Variants in DLG5 observed in about 807,000 individuals in gnomAD.
DLG5 encodes the protein disks large homolog 5.
In DLG5, 48 loss-of-function variants were observed where a neutral mutation model predicts 189.8. That is an observed-to-expected ratio of 0.25 (90% CI 0.20 to 0.32). The LOEUF (loss-of-function observed/expected upper bound fraction) is 0.32, where lower values mean the gene tolerates loss of function less well. Among genes scored for constraint, DLG5 ranks in the 10% least tolerant of loss-of-function variants. The pLI is 1.00. For synonymous variants in DLG5, 1,016 were observed against 1,054.1 expected (o/e 0.96, Z 0.70); for missense variants, 2,160 against 2,544.7 (o/e 0.85, Z 3.25).
chr10:77,885,193 T>C (rs1490951361), intron 1 of DLG5, among the ~76,000 whole-genome samples: 1 of 152,136 alleles, frequency 6.6e-6, no homozygotes, highest in Non-Finnish European at 1.5e-5. Flanking sequence ...AGTGCTCACA[T>C]GGGCCCTCAG....
intron 20 of DLG5, among the ~76,000 whole-genome samples, chr10:77,813,569 C>T (rs890583705): frequency 9.2e-5 from 14 of 152,206 alleles, no homozygotes; most frequent in South Asian, 2.1e-4. Context: ...TCCAATTCAA[C>T]ACGGATTACA....
chr10:77,858,573 G>A (rs1003228671), intron 2 of DLG5, among the ~76,000 whole-genome samples: 1 of 150,390 alleles, frequency 6.6e-6, no homozygotes, highest in African/African-American at 2.4e-5. Context: ...AGGACGTCAA[G>A]GCTGCAGTGA....
intron 1 of DLG5, among the ~76,000 whole-genome samples, chr10:77,919,584 CTTTTTTTTTTTTTTTT>C (rs71030919): frequency 3.7e-4 from 25 of 67,732 alleles, no homozygotes; most frequent in Middle Eastern, 0.012. Flanking sequence ...CAGTTCAGGG[CTTTTTTTTTTTTTTTT>C]TTTTTTTTTT....
Position 77,872,726 on chromosome 10 carries a change from G to A in DLG5, c.305-3529C>T, listed in dbSNP as rs142688531. On this transcript the variant is annotated intron_variant, in intron 1 of 31. Coordinates refer to ENST00000372391, the MANE Select transcript of DLG5 (RefSeq NM_004747.4). ...AAGCCACTGTCCCCCAAAGTCACACGGTGTCCTTTCAAGGCCGGTTGCTTC... is the reference window on the plus strand; with the variant it reads ...AAGCCACTGTCCCCCAAAGTCACACAGTGTCCTTTCAAGGCCGGTTGCTTC... 3.0e-3 allele frequency among the ~76,000 whole-genome samples: 458 copies of A among 152,266 alleles called. 3 individuals are homozygous for A. The highest frequency in any genetic ancestry group is 0.01 in the African/African-American group (432 of 41,552).
intron 21 of DLG5, 47 bp downstream of exon 21, chr10:77,812,168 A>T (rs768463602): frequency 8.1e-6 from 13 of 1,599,572 alleles, no homozygotes; most frequent in Non-Finnish European, 9.4e-6. Context: ...AGGGGGAAGA[A>T]GTGCAGGTTT....
chr10:77,825,407 C>CACACACACACAT (rs1842581649), intron 13 of DLG5, among the ~76,000 whole-genome samples: 1 of 150,768 alleles, frequency 6.6e-6, no homozygotes, highest in African/African-American at 2.5e-5. Context: ...CACACACACA[C>CACACACACACAT]ACACACACAG....
rs552401907 is a variant in DLG5, at chr10:77,817,803, T to C, written c.3758A>G (p.Asn1253Ser). Residue 1253 changes from asparagine to serine, a missense_variant, in exon 18 of 32, where the codon AAC becomes AGC. Physicochemically the swap from Asn to Ser is conservative, Grantham distance 46 (BLOSUM62 1). Transcript: ENST00000372391. ...YSEMRATHGS[N>S]SLPSSARLGS... ...CAGGCGGGCGCTGGAGGGCAGTGAG[T>C]TGGACCCATGGGTGGCTCTCATCTC... 9 of 1,555,092 alleles carry C rather than the reference T, an allele frequency of 5.8e-6. No homozygotes were observed. In the South Asian group the frequency reaches 1.1e-4, roughly 18 times the overall value.
Position 77,812,051 on chromosome 10 carries a change from C to T in DLG5, c.4195G>A (p.Gly1399Ser), listed in dbSNP as rs775328661. The change falls in exon 22 of 32, where the codon GGC becomes AGC. Residue 1399 changes from glycine (G) to serine (S), a missense_variant. This residue lies in a region of DLG5 where 61 missense variants were observed against 101.0 expected (regional missense o/e 0.60). Transcript: ENST00000372391. Reference sequence around the variant, plus strand: ...TCCGTGGCGCTCCGCAGGTTTATGCCGTTGAACTGGGGAAACACCAGGATG... The same window carrying T: ...TCCGTGGCGCTCCGCAGGTTTATGCTGTTGAACTGGGGAAACACCAGGATG... ...EYGDQLLEFN[G>S]INLRSATEQQ... 6.2e-7 allele frequency: 1 copy of T among 1,609,778 alleles called. No homozygotes were observed. The highest frequency in any genetic ancestry group is 8.5e-7 in the Non-Finnish European group (1 of 1,179,954).
intron 5 of DLG5, among the ~76,000 whole-genome samples, chr10:77,847,663 T>TGC (rs1342942388): frequency 6.6e-6 from 1 of 151,768 alleles, no homozygotes; most frequent in East Asian, 1.9e-4. Flanking sequence ...CACACACGAG[T>TGC]GCGCACACAC....
At chr10:77,907,993 GT>G (rs1407127420) in intron 1 of DLG5, among the ~76,000 whole-genome samples, 2 of 152,158 alleles carry the variant, frequency 1.3e-5, no homozygotes, top group Admixed American at 6.5e-5. Context: ...AACCACCCAT[GT>G]GTGGCCATGA....
At chr10:77,807,751 C>T in intron 25 of DLG5, 45 bp downstream of exon 25, 1 of 1,598,220 alleles carries the variant, frequency 6.3e-7, no homozygotes, top group South Asian at 1.1e-5. Flanking sequence ...GTGAAAGCCT[C>T]TCCTCTGGTT....
At chr10:77,928,561 A>T (rs1846756875), upstream of DLG5, 2 of 152,362 alleles carry the variant, frequency 1.3e-5, no homozygotes, top group South Asian at 4.1e-4. Flanking sequence ...CACTTCCCTT[A>T]GGGCAACCCC....
intron 15 of DLG5, chr10:77,820,746 C>A: frequency 3.1e-6 from 1 of 322,542 alleles, no homozygotes; most frequent in Admixed American, 4.5e-5. Context: ...GCCCACTCAG[C>A]CTCACACGTG....
intron 1 of DLG5, among the ~76,000 whole-genome samples, chr10:77,912,859 A>G (rs1364328649): frequency 2.0e-5 from 3 of 152,124 alleles, no homozygotes; most frequent in Admixed American, 6.5e-5. Context: ...CCTCTCCCAC[A>G]TGGGGAGCAT....
intron 7 of DLG5, among the ~76,000 whole-genome samples, chr10:77,839,682 A>C (rs1446743961): frequency 1.3e-5 from 2 of 152,200 alleles, no homozygotes; most frequent in African/African-American, 2.4e-5. Flanking sequence ...TTCCCCAAAA[A>C]ATTATGTGCT....
chr10:77,898,684 CT>C lies in DLG5; in HGVS notation c.304+27532del, dbSNP rs1845836187. On this transcript the variant is annotated intron_variant, in intron 1 of 31. Transcript: ENST00000372391. ...CCGCGTCTATCCCTTCAGGTCAGGG[CT>C]TGCCCTGAGTGCTCCTGAGGAAGTG... Among the ~76,000 whole-genome samples the C allele has an allele frequency of 2.6e-5, 4 of 152,360 alleles. No individual in the cohort carries two copies. In the South Asian group the frequency reaches 8.3e-4, roughly 32 times the overall value.
intron 27 of DLG5, among the ~76,000 whole-genome samples, chr10:77,797,018 G>C (rs1840959626): frequency 6.6e-6 from 1 of 152,160 alleles, no homozygotes; most frequent in South Asian, 2.1e-4. Flanking sequence ...TCCCCAATCT[G>C]CACGGCTAGA....
chr10:77,916,622 G>A (rs1042144171), intron 1 of DLG5, among the ~76,000 whole-genome samples: 4 of 152,028 alleles, frequency 2.6e-5, no homozygotes, highest in African/African-American at 9.7e-5. Context: ...AAAAAGGAAA[G>A]AAAATGCTAT....
At chr10:77,858,279 T>G (rs1309036085) in intron 2 of DLG5, among the ~76,000 whole-genome samples, 1 of 151,700 alleles carries the variant, frequency 6.6e-6, no homozygotes, top group Non-Finnish European at 1.5e-5. Flanking sequence ...AAGATTATAA[T>G]AGAGTTAGAA....
Sources: gnomAD v4.1 joint callset for allele counts (sites outside exome capture counted in the v4.1 genomes callset) on GRCh38, gnomAD v4.1.1 for gene constraint, gnomAD v4.1.1 regional missense constraint, MANE v1.5 for transcripts, NCBI Gene and HGNC (gene_info 2026-07-23, HGNC 2026-07-21) for gene names.